Variants in SENP1 observed in about 807,000 individuals in gnomAD.
The protein encoded by SENP1 is SUMO specific peptidase 1.
Under a neutral mutation model 93.0 loss-of-function variants are expected in SENP1, and 21 were observed. That is an observed-to-expected ratio of 0.23 (90% CI 0.16 to 0.33). SENP1 has a LOEUF of 0.33. Ranked by LOEUF, SENP1 falls within the 10% of genes least tolerant of loss-of-function variation. The pLI is 1.00. For missense variants in SENP1, 591 were observed against 758.7 expected, an observed-to-expected ratio of 0.78 and a Z score of 2.60; for synonymous variants, 256 against 259.6, an observed-to-expected ratio of 0.99 and a Z score of 0.13.
At chr12:48,095,519 C>T (rs1945498766) in intron 4 of SENP1, among the ~76,000 whole-genome samples, 1 of 127,198 alleles carries the variant, frequency 7.9e-6, no homozygotes, top group Non-Finnish European at 1.6e-5. Context: ...CTGGGCAACA[C>T]AGGGAGACTC....
Position 48,065,047 on chromosome 12 carries a change from T to G in SENP1, c.1275+18A>C. The G allele has an allele frequency of 6.7e-7, 1 of 1,494,990 alleles. No homozygotes were observed. Among genetic ancestry groups the G allele is most frequent in the Non-Finnish European group, 9.3e-7 (1 of 1,073,914 alleles). The allele number at this position is 1,494,990 out of a possible 1,614,324, so 92.6% of individuals were successfully genotyped here. A position where few individuals can be genotyped will look rare whatever the true frequency, so the allele number is the denominator to read the frequency against. ...ACATGATACTTAGTAGTGTAGAAAT[T>G]AAGTGTATGTAACTTACCTCTGTAA... On this transcript the variant is annotated intron_variant, in intron 12 of 17. Transcript: ENST00000549518.
intron 1 of SENP1, chr12:48,104,993 A>G (rs1344749250): frequency 6.0e-6 from 1 of 167,048 alleles, no homozygotes; most frequent in Non-Finnish European, 1.3e-5. Context: ...TTGCGCTTTA[A>G]CTGTAATTTC....
chr12:48,097,488 G>A (rs944086250), intron 3 of SENP1, among the ~76,000 whole-genome samples: 56 of 152,256 alleles, frequency 3.7e-4, no homozygotes, highest in African/African-American at 1.3e-3. Context: ...ACTTTCATGT[G>A]CATATAAATC....
At chr12:48,076,350 C>A (rs975319528) in intron 6 of SENP1, among the ~76,000 whole-genome samples, 1 of 152,006 alleles carries the variant, frequency 6.6e-6, no homozygotes, top group Admixed American at 6.6e-5. Flanking sequence ...AGGATAGTCT[C>A]GATCTCCTGA....
chr12:48,065,301 A>G, intron 11 of SENP1, 81 bp from the exon 12 acceptor site: 1 of 1,151,498 alleles, frequency 8.7e-7, no homozygotes, highest in Admixed American at 2.7e-5. Flanking sequence ...ATGTCCCAAT[A>G]AACCTGTCAT....
chr12:48,046,798 A>G (rs149457839), intron 16 of SENP1, among the ~76,000 whole-genome samples, 180 bp downstream of exon 16: 1 of 152,228 alleles, frequency 6.6e-6, no homozygotes, highest in African/African-American at 2.4e-5. Flanking sequence ...GTTCTACATA[A>G]GAAACACACT....
intron 13 of SENP1, among the ~76,000 whole-genome samples, chr12:48,050,208 T>G (rs1207781230): frequency 6.6e-6 from 1 of 152,182 alleles, no homozygotes; most frequent in Non-Finnish European, 1.5e-5. Flanking sequence ...AACAGGCACA[T>G]TTTTCAGAAT....
In SENP1 at chr12:48,068,388, A is replaced by G. The variant is rs138870697; in HGVS notation, c.996-1423T>C. 5.5e-4 allele frequency among the ~76,000 whole-genome samples: 84 copies of G among 152,332 alleles called. 2 individuals carry two copies. In the East Asian group the frequency reaches 0.014, roughly 26 times the overall value. On this transcript the variant is annotated intron_variant, in intron 9 of 17. Coordinates refer to ENST00000549518, the MANE Select transcript of SENP1 (RefSeq NM_001267594.2). ...CTCTACATGTAAAACTCTGCTCTAGATGTTTTATGTATTAGTTAAGCCTAA... is the reference window on the plus strand; with the variant it reads ...CTCTACATGTAAAACTCTGCTCTAGGTGTTTTATGTATTAGTTAAGCCTAA...
chr12:48,097,803 A>G, intron 3 of SENP1, 191 bp downstream of exon 3: 1 of 490,752 alleles, frequency 2.0e-6, no homozygotes, highest in Non-Finnish European at 3.6e-6. Flanking sequence ...ACTCATACAT[A>G]GCCTATTTTG....
chr12:48,082,177 C>G (rs1459068008), intron 6 of SENP1, among the ~76,000 whole-genome samples: 1 of 152,204 alleles, frequency 6.6e-6, no homozygotes, highest in Non-Finnish European at 1.5e-5. Flanking sequence ...GCATGAGCCA[C>G]CATGCCCGGC....
chr12:48,070,657 A>C (rs879590368), intron 9 of SENP1, among the ~76,000 whole-genome samples: 1 of 152,190 alleles, frequency 6.6e-6, no homozygotes, highest in Non-Finnish European at 1.5e-5. Context: ...TTTGTATACC[A>C]TAGTAAGGAG....
chr12:48,084,480 T>C (rs1944705805), intron 5 of SENP1, among the ~76,000 whole-genome samples: 2 of 137,948 alleles, frequency 1.4e-5, no homozygotes, highest in South Asian at 4.7e-4. Context: ...GATGGAATCT[T>C]GCTCTGTCAC....
intron 1 of SENP1, 146 bp downstream of exon 1, chr12:48,105,882 G>A: frequency 1.6e-6 from 1 of 613,242 alleles, no homozygotes; most frequent in Non-Finnish European, 2.9e-6. Flanking sequence ...GGTCCCAGGG[G>A]GCGGGGCAGA....
Position 48,093,718 on chromosome 12 carries a change from A to AT in SENP1, c.220+2624dup, listed in dbSNP as rs1332078108. ...ATGAATTAGAAATGAGCAGAAAATG[A>AT]TAAAAAAAAAAAAAAAAGAACATGT... On this transcript the variant is annotated intron_variant, in intron 4 of 17. Transcript: ENST00000549518. Among the ~76,000 whole-genome samples, 36 of 106,016 alleles carry AT rather than the reference A, an allele frequency of 3.4e-4. 1 individual carries two copies. Among genetic ancestry groups the AT allele is most frequent in the African/African-American group, 1.3e-3 (34 of 25,810 alleles). The allele number at this position is 106,016 out of a possible 152,430, so 69.6% of individuals were successfully genotyped here.
intron 9 of SENP1, among the ~76,000 whole-genome samples, chr12:48,068,958 G>A (rs56312890): frequency 0.015 from 2,289 of 152,016 alleles, 77 homozygotes; most frequent in African/African-American, 0.052. Flanking sequence ...TTCGAGACCA[G>A]CTTGGCCAAC....
chr12:48,070,014 T>C (rs1024006741), intron 9 of SENP1, among the ~76,000 whole-genome samples: 4 of 152,190 alleles, frequency 2.6e-5, no homozygotes, highest in African/African-American at 4.8e-5. Context: ...ATAGCAATCA[T>C]AGTAATGGTT....
intron 8 of SENP1, among the ~76,000 whole-genome samples, chr12:48,072,599 CAG>C (rs1943783431): frequency 6.6e-6 from 1 of 152,106 alleles, no homozygotes; most frequent in African/African-American, 2.4e-5. Flanking sequence ...GCCTGAGCAA[CAG>C]AGTGACACTC....
chr12:48,085,553 A>G, intron 5 of SENP1: 1 of 476,206 alleles, frequency 2.1e-6, no homozygotes, highest in Non-Finnish European at 3.7e-6. Flanking sequence ...CCACTCCATT[A>G]AGAGGCTAGG....
In SENP1 at chr12:48,050,313, G is replaced by A. The variant is rs190122806; in HGVS notation, c.1408-1181C>T. Among the ~76,000 whole-genome samples, 248 of 152,308 alleles carry A rather than the reference G, an allele frequency of 1.6e-3. 3 individuals are homozygous for A. Among genetic ancestry groups the A allele is most frequent in the Non-Finnish European group, 2.5e-3 (172 of 68,032 alleles). ...GAGCTACTGCCCAACAGTAAGCAAC[G>A]ACATACTGGGTAGGCAGCAGGGGAA... On this transcript the variant is annotated intron_variant, in intron 13 of 17. Coordinates refer to ENST00000549518, the MANE Select transcript of SENP1 (RefSeq NM_001267594.2).
Sources: gnomAD v4.1 joint callset for allele counts (sites outside exome capture counted in the v4.1 genomes callset) on GRCh38, gnomAD v4.1.1 for gene constraint, MANE v1.5 for transcripts, NCBI Gene and HGNC (gene_info 2026-07-23, HGNC 2026-07-21) for gene names.